Variants in IFT88 observed in about 807,000 individuals in gnomAD.
The protein encoded by IFT88 is intraflagellar transport protein 88 homolog.
A neutral mutation model predicts 119.5 loss-of-function variants in IFT88; 74 were observed. The ratio of observed to expected loss-of-function variants is 0.62; its 90% CI spans 0.51 to 0.75. The LOEUF is 0.75. Among genes scored for constraint, IFT88 ranks in the 30% least tolerant of loss-of-function variants. The pLI, the probability that IFT88 is intolerant of heterozygous loss-of-function variation, is 0.00. For missense variants in IFT88, 961 were observed against 977.7 expected (o/e 0.98, Z 0.23); for synonymous variants, 279 against 316.7 (o/e 0.88, Z 1.26).
intron 23 of IFT88, 70 bp downstream of exon 23, chr13:20,663,674 G>A: frequency 9.4e-7 from 1 of 1,066,604 alleles, no homozygotes; most frequent in East Asian, 2.5e-5. Flanking sequence ...GCTCAAATGT[G>A]TGATGTTAGG....
intron 24 of IFT88, among the ~76,000 whole-genome samples, chr13:20,688,915 CTTTATT>C (rs2058219120): frequency 6.6e-6 from 1 of 151,926 alleles, no homozygotes; most frequent in East Asian, 1.9e-4. Flanking sequence ...TATATAAGCA[CTTTATT>C]TTTATTTAAT....
At chr13:20,600,239 C>A (rs1300633081) in intron 11 of IFT88, among the ~76,000 whole-genome samples, 3 of 151,904 alleles carry the variant, frequency 2.0e-5, no homozygotes, top group Non-Finnish European at 4.4e-5. Context: ...CCTTGAAGTA[C>A]TTTTAAGCCA....
At chr13:20,623,931 G>GT (rs2046920599) in intron 14 of IFT88, among the ~76,000 whole-genome samples, 1 of 152,128 alleles carries the variant, frequency 6.6e-6, no homozygotes. Context: ...TTTCCAAGTT[G>GT]TTTGTTTTTA....
chr13:20,652,223 G>T (rs1341137448), intron 20 of IFT88, among the ~76,000 whole-genome samples: 1 of 152,158 alleles, frequency 6.6e-6, no homozygotes, highest in African/African-American at 2.4e-5. Flanking sequence ...CAAATGTTAT[G>T]TTGTATATAT....
rs1399141068 is a variant in IFT88, at chr13:20,625,638, C to T, written c.1200-112C>T. On this transcript the variant is annotated intron_variant, in intron 14 of 25. Transcript: ENST00000351808. ...GGAGCAAATCGAGTGCTTACCTTTACAGAGTACTAGGGACCCTTTAAAAAA... is the reference window on the plus strand; with the variant it reads ...GGAGCAAATCGAGTGCTTACCTTTATAGAGTACTAGGGACCCTTTAAAAAA... 4 of 637,496 alleles carry T rather than the reference C, an allele frequency of 6.3e-6. No homozygotes were observed. In the African/African-American group the frequency reaches 7.7e-5, roughly 12 times the overall value. The allele number at this position is 637,496 out of a possible 1,614,324, so 39.5% of individuals were successfully genotyped here. A position where few individuals can be genotyped will look rare whatever the true frequency, so the allele number is the denominator to read the frequency against.
At chr13:20,649,723 A>C (rs2051307971) in intron 20 of IFT88, among the ~76,000 whole-genome samples, 1 of 152,130 alleles carries the variant, frequency 6.6e-6, no homozygotes, top group Non-Finnish European at 1.5e-5. Flanking sequence ...TTCTTTGAAA[A>C]GCTCAACAAA....
Position 20,690,792 on chromosome 13 carries a change from A to G in IFT88, c.2330A>G (p.Glu777Gly). ...TTACCTGGGACAAATGAACCTTATGAAAGTAGCAGTAACAAAGAAATAGGC... is the reference window on the plus strand; with the variant it reads ...TTACCTGGGACAAATGAACCTTATGGAAGTAGCAGTAACAAAGAAATAGGC... The part of the protein sequence containing the change: ...RALPGTNEPY[E>G]SSSNKEIDAS... The change falls in exon 25 of 26, where the codon GAA becomes GGA. Residue 777 changes from glutamate (E) to glycine (G), a missense_variant. By Grantham distance (98) the Glu-to-Gly change is moderately conservative. Transcript: ENST00000351808. 1.2e-6 allele frequency: 2 copies of G among 1,613,218 alleles called. No individual in the cohort carries two copies. The highest frequency in any genetic ancestry group is 2.2e-5 in the South Asian group (2 of 91,056).
At chr13:20,641,747 G>A (rs1425000426) in intron 18 of IFT88, 1 of 169,748 alleles carries the variant, frequency 5.9e-6, no homozygotes, top group Non-Finnish European at 1.3e-5. Flanking sequence ...TATCATTGAA[G>A]CACTAACTTA....
intron 24 of IFT88, among the ~76,000 whole-genome samples, chr13:20,675,542 T>A (rs1295346615): frequency 6.6e-6 from 1 of 152,200 alleles, no homozygotes; most frequent in Non-Finnish European, 1.5e-5. Flanking sequence ...TGCCAATGTG[T>A]CGTCTGTGTT....
At chr13:20,590,486 G>A (rs1192368908) in intron 4 of IFT88, among the ~76,000 whole-genome samples, 2 of 152,208 alleles carry the variant, frequency 1.3e-5, no homozygotes. Context: ...CCTTTATAAT[G>A]TTCCTTTATA....
In IFT88 at chr13:20,663,574, G is replaced by A. The variant is rs761379157; in HGVS notation, c.2145G>A (p.Arg715=). 6.2e-7 allele frequency: 1 copy of A among 1,613,702 alleles called. No individual in the cohort carries two copies. Among genetic ancestry groups the A allele is most frequent in the Non-Finnish European group, 8.5e-7 (1 of 1,179,820 alleles). Residue 715 remains arginine (R), a synonymous_variant, in exon 23 of 26, where the codon AGG becomes AGA. Coordinates refer to ENST00000351808, the MANE Select transcript of IFT88 (RefSeq NM_006531.5). ...DAQEYARKLK[R]LEKMKEIREQ... is the part of the protein sequence containing the mutation. ...AAGAATATGCCAGAAAACTGAAGAG[G>A]TTGGAAAAAATGAAAGAAATAAGGG...
At chr13:20,607,665 C>G in intron 13 of IFT88, 1 of 881,174 alleles carries the variant, frequency 1.1e-6, no homozygotes, top group Non-Finnish European at 1.9e-6. Context: ...GACCTCTCAG[C>G]TTTCCTGGTC....
intron 24 of IFT88, 73 bp downstream of exon 24, chr13:20,671,112 C>T: frequency 8.3e-7 from 1 of 1,203,106 alleles, no homozygotes; most frequent in Non-Finnish European, 1.2e-6. Context: ...AAACATCTTG[C>T]AATAATCTAA....
intron 6 of IFT88, 89 bp downstream of exon 6, chr13:20,591,770 A>G: frequency 2.5e-6 from 2 of 813,096 alleles, no homozygotes; most frequent in Non-Finnish European, 3.9e-6. Context: ...CATTTTAAAT[A>G]AAATCTAACA....
At position 20,656,444 on chromosome 13, in the gene IFT88, CA is replaced by C; in HGVS notation, c.2068+15del. On this transcript the variant is annotated intron_variant, in intron 22 of 25. Coordinates refer to ENST00000351808, the MANE Select transcript of IFT88 (RefSeq NM_006531.5). Reference sequence around the variant, plus strand: ...AAAATGTCGAATGTAAGTGGCATTACATAATGTAACTTTGAAGTGATAAGTT... The same window carrying C: ...AAAATGTCGAATGTAAGTGGCATTACTAATGTAACTTTGAAGTGATAAGTT... 7.6e-7 allele frequency: 1 copy of C among 1,320,442 alleles called. No homozygotes were observed. Among genetic ancestry groups the C allele is most frequent in the East Asian group, 2.5e-5 (1 of 40,726 alleles). 81.8% of individuals were successfully genotyped at this position (1,320,442 alleles called of 1,614,324 possible). A position where few individuals can be genotyped will look rare whatever the true frequency, so the allele number is the denominator to read the frequency against.
chr13:20,599,337 T>C, intron 10 of IFT88, 114 bp from the exon 11 acceptor site: 2 of 537,172 alleles, frequency 3.7e-6, no homozygotes, highest in Non-Finnish European at 6.6e-6. Flanking sequence ...TTAGATAATA[T>C]CTGAGACTTC....
intron 20 of IFT88, among the ~76,000 whole-genome samples, chr13:20,648,370 T>A (rs1249782986): frequency 6.6e-6 from 1 of 152,212 alleles, no homozygotes; most frequent in African/African-American, 2.4e-5. Context: ...CACTCCAGCC[T>A]GGGTGACAGA....
rs774197383 is a variant in IFT88, at chr13:20,615,754, T to C, written c.1113-39T>C. The C allele has an allele frequency of 4.2e-6, 5 of 1,201,836 alleles. No individual in the cohort carries two copies. In the African/African-American group the frequency reaches 6.2e-5, roughly 15 times the overall value. 74.4% of individuals were successfully genotyped at this position (1,201,836 alleles called of 1,614,324 possible). The stretch of plus-strand genomic sequence containing the variant: ...TTAGGAAATCCAAACTATTTTATAC[T>C]GTATCTCTAAATACAACTTTTTGGT... On this transcript the variant is annotated intron_variant, in intron 13 of 25. Transcript: ENST00000351808.
chr13:20,603,128 T>C (rs1192592987), intron 12 of IFT88, among the ~76,000 whole-genome samples: 6 of 152,226 alleles, frequency 3.9e-5, no homozygotes, highest in Admixed American at 2.6e-4. Flanking sequence ...AAATAAAATA[T>C]TGGCATACTG....
Sources: allele counts gnomAD v4.1 joint callset (sites outside exome capture counted in the v4.1 genomes callset), GRCh38; gene constraint gnomAD v4.1.1; transcripts MANE v1.5; gene names NCBI Gene and HGNC (gene_info 2026-07-23, HGNC 2026-07-21).